PDE1C: variants seen among roughly 807,000 people sequenced by gnomAD.
PDE1C encodes the protein dual specificity calcium/calmodulin-dependent 3',5'-cyclic nucleotide phosphodiesterase 1C.
In PDE1C, 62 loss-of-function variants were observed where a neutral mutation model predicts 93.1. The ratio of observed to expected loss-of-function variants is 0.67; its 90% CI spans 0.54 to 0.82. PDE1C has a LOEUF of 0.82. Among genes scored for constraint, PDE1C ranks in the 40% least tolerant of loss-of-function variants. The pLI, the probability that PDE1C is intolerant of heterozygous loss-of-function variation, is 0.00. For missense variants in PDE1C, 742 were observed against 884.6 expected, an observed-to-expected ratio of 0.84 and a Z score of 2.04; for synonymous variants, 325 against 310.1, an observed-to-expected ratio of 1.05 and a Z score of -0.50.
intron 16 of PDE1C, among the ~76,000 whole-genome samples, chr7:31,781,513 A>G (rs1458366359): frequency 1.3e-5 from 2 of 152,138 alleles, no homozygotes; most frequent in Non-Finnish European, 2.9e-5. Flanking sequence ...ATATCTGCCA[A>G]CATCTTCTTT....
chr7:31,861,166 AC>A (rs1471271076), intron 7 of PDE1C, among the ~76,000 whole-genome samples: 1 of 152,112 alleles, frequency 6.6e-6, no homozygotes, highest in Non-Finnish European at 1.5e-5. Context: ...CATGCAATGC[AC>A]CACTCTCTTC....
At chr7:32,413,317 G>C (rs1785211553) in intron 1 of PDE1C, among the ~76,000 whole-genome samples, 1 of 152,196 alleles carries the variant, frequency 6.6e-6, no homozygotes, top group Non-Finnish European at 1.5e-5. Context: ...CTGAGTAGTA[G>C]ATGATAGGAG....
At chr7:32,297,106 G>A (rs1356508390) in intron 1 of PDE1C, among the ~76,000 whole-genome samples, 1 of 152,152 alleles carries the variant, frequency 6.6e-6, no homozygotes, top group Non-Finnish European at 1.5e-5. Context: ...TTGAGGGAAT[G>A]GCTTTCCTGC....
At chr7:32,093,649 T>C (rs192392627) in intron 3 of PDE1C, among the ~76,000 whole-genome samples, 1 of 152,366 alleles carries the variant, frequency 6.6e-6, no homozygotes, top group Middle Eastern at 3.4e-3. Flanking sequence ...CTGTTATCTT[T>C]ACATGACTTT....
At chr7:31,900,267 G>A (rs1195721715) in intron 2 of PDE1C, among the ~76,000 whole-genome samples, 1 of 152,062 alleles carries the variant, frequency 6.6e-6, no homozygotes, top group Admixed American at 6.6e-5. Context: ...TGTATTAAAT[G>A]TCTGTTGCAT....
intron 1 of PDE1C, among the ~76,000 whole-genome samples, chr7:32,335,473 C>A (rs989732115): frequency 6.6e-6 from 1 of 152,180 alleles, no homozygotes; most frequent in African/African-American, 2.4e-5. Context: ...AATGGAAATT[C>A]ATTTTCTCAC....
chr7:32,042,602 T>C (rs1791977240), intron 2 of PDE1C, among the ~76,000 whole-genome samples: 1 of 152,244 alleles, frequency 6.6e-6, no homozygotes, highest in Admixed American at 6.5e-5. Context: ...CCAAAGTTTG[T>C]GCTTTAGCAA....
intron 2 of PDE1C, among the ~76,000 whole-genome samples, chr7:31,989,794 T>C (rs1783936955): frequency 6.6e-6 from 1 of 152,230 alleles, no homozygotes; most frequent in African/African-American, 2.4e-5. Flanking sequence ...GCAGGCACTT[T>C]ATCTTGCCTG....
At chr7:32,341,323 C>A (rs1226748946) in intron 1 of PDE1C, among the ~76,000 whole-genome samples, 1 of 148,936 alleles carries the variant, frequency 6.7e-6, no homozygotes, top group East Asian at 2.0e-4. Flanking sequence ...CTACAGGCGC[C>A]CGCTACCACG....
At chr7:31,628,955 A>C in the PDE1C span, among the ~76,000 whole-genome samples, 1 of 152,220 alleles carries the variant, frequency 6.6e-6, no homozygotes, top group Admixed American at 6.5e-5. Context: ...AAAACAAAAA[A>C]ACATTTGGAC....
chr7:31,620,982 C>A, the PDE1C span, among the ~76,000 whole-genome samples: 1 of 151,290 alleles, frequency 6.6e-6, no homozygotes, highest in Non-Finnish European at 1.5e-5. Flanking sequence ...GGAGCCAATG[C>A]GATCAACTGG....
At chr7:31,850,846 A>G in intron 7 of PDE1C, 105 bp from the exon 8 acceptor site, 1 of 783,442 alleles carries the variant, frequency 1.3e-6, no homozygotes, top group South Asian at 1.4e-5. Flanking sequence ...GCAGCTGGTA[A>G]GCTATTGCCA....
chr7:31,929,448 T>C lies in PDE1C; in HGVS notation c.129-48588A>G, dbSNP rs1221278925. Reference sequence around the variant, plus strand: ...CTGGACCAAGCAGACCTAATAGACATCTACAAAACTCTCCACCACAAATCA... The same window carrying C: ...CTGGACCAAGCAGACCTAATAGACACCTACAAAACTCTCCACCACAAATCA... On this transcript the variant is annotated intron_variant, in intron 2 of 17. Transcript: ENST00000396191. 1.8e-4 allele frequency among the ~76,000 whole-genome samples: 27 copies of C among 152,164 alleles called. No individual in the cohort carries two copies. The East Asian group carries it at 2.3e-3, about 13-fold the overall frequency.
chr7:31,923,909 A>C (rs1174667203), intron 2 of PDE1C, among the ~76,000 whole-genome samples: 1 of 152,252 alleles, frequency 6.6e-6, no homozygotes, highest in Non-Finnish European at 1.5e-5. Flanking sequence ...GCTTATACAA[A>C]GATATCCTCT....
chr7:31,637,479 G>C, the PDE1C span, among the ~76,000 whole-genome samples: 2 of 152,164 alleles, frequency 1.3e-5, no homozygotes, highest in Non-Finnish European at 2.9e-5. Context: ...GCATTTCTCT[G>C]ATGGCCAGTG....
At chr7:31,847,871 T>C in intron 9 of PDE1C, 97 bp downstream of exon 9, 3 of 1,311,502 alleles carry the variant, frequency 2.3e-6, no homozygotes, top group Non-Finnish European at 3.3e-6. Flanking sequence ...CGAATCAACA[T>C]TTTAAGCAAG....
intron 1 of PDE1C, among the ~76,000 whole-genome samples, chr7:32,231,733 T>C (rs1396779032): frequency 1.3e-5 from 2 of 152,170 alleles, no homozygotes; most frequent in African/African-American, 2.4e-5. Flanking sequence ...TTAAATAAAA[T>C]GTTAGCAAGC....
chr7:31,911,551 C>A (rs778840815), intron 2 of PDE1C, among the ~76,000 whole-genome samples: 2 of 152,144 alleles, frequency 1.3e-5, no homozygotes, highest in Non-Finnish European at 2.9e-5. Context: ...ACTAATCCCC[C>A]TGCTAATCTC....
chr7:32,085,610 T>C (rs1283806598), intron 3 of PDE1C, among the ~76,000 whole-genome samples: 5 of 145,924 alleles, frequency 3.4e-5, no homozygotes, highest in Admixed American at 6.8e-5. Context: ...CTCAATAAAA[T>C]ACTGGCAAAC....
Sources: gnomAD v4.1 joint callset for allele counts (sites outside exome capture counted in the v4.1 genomes callset) on GRCh38, gnomAD v4.1.1 for gene constraint, MANE v1.5 for transcripts, NCBI Gene and HGNC (gene_info 2026-07-23, HGNC 2026-07-21) for gene names.